Variants in ARID4A observed in about 807,000 individuals in gnomAD.
ARID4A encodes AT-rich interaction domain 4A, also known as AT-rich interactive domain-containing protein 4A.
A neutral mutation model predicts 148.6 loss-of-function variants in ARID4A; 39 were observed. That is an observed-to-expected ratio of 0.26 (90% CI 0.20 to 0.34). The LOEUF is 0.34. ARID4A is among the 10% of genes least tolerant of loss of function. The pLI, the probability that ARID4A is intolerant of heterozygous loss-of-function variation, is 1.00. For missense variants in ARID4A, 1,265 were observed against 1,449.1 expected (o/e 0.87, Z 2.06); for synonymous variants, 475 against 481.2 (o/e 0.99, Z 0.17).
intron 7 of ARID4A, among the ~76,000 whole-genome samples, chr14:58,322,593 C>T (rs1455559883): frequency 6.6e-6 from 1 of 152,056 alleles, no homozygotes; most frequent in Non-Finnish European, 1.5e-5. Flanking sequence ...TGGTTTTGAG[C>T]CATTTAATAA....
chr14:58,317,098 C>T (rs183509048), intron 5 of ARID4A, among the ~76,000 whole-genome samples: 3 of 144,474 alleles, frequency 2.1e-5, no homozygotes, highest in East Asian at 2.3e-4. Flanking sequence ...GAGGCTGAGG[C>T]GGGAGAATGG....
intron 8 of ARID4A, among the ~76,000 whole-genome samples, chr14:58,324,575 C>T (rs907465403): frequency 6.6e-6 from 1 of 152,178 alleles, no homozygotes; most frequent in Non-Finnish European, 1.5e-5. Context: ...GCTGGTATGC[C>T]TGGCTGAGAA....
chr14:58,332,315 G>C (rs2140197495), intron 11 of ARID4A, among the ~76,000 whole-genome samples: 2 of 152,194 alleles, frequency 1.3e-5, no homozygotes, highest in East Asian at 3.9e-4. Context: ...AGTGAATCAG[G>C]ATGCTTTTCA....
At chr14:58,314,361 A>C (rs1385011886) in intron 5 of ARID4A, among the ~76,000 whole-genome samples, 5 of 152,146 alleles carry the variant, frequency 3.3e-5, no homozygotes, top group African/African-American at 1.2e-4. Context: ...TTTTAGATGG[A>C]GCTTCTTCAT....
At chr14:58,334,856 A>C (rs563199387) in intron 11 of ARID4A, among the ~76,000 whole-genome samples, 11 of 152,088 alleles carry the variant, frequency 7.2e-5, no homozygotes, top group Admixed American at 1.3e-4. Flanking sequence ...ACATGCTTAC[A>C]TCTCTCCCAG....
intron 5 of ARID4A, among the ~76,000 whole-genome samples, chr14:58,306,449 A>T (rs1378910745): frequency 1.3e-5 from 2 of 152,240 alleles, no homozygotes; most frequent in Non-Finnish European, 2.9e-5. Context: ...CTGTATTGCT[A>T]CATATTTTAT....
At chr14:58,351,918 A>G (rs2034657078) in intron 16 of ARID4A, among the ~76,000 whole-genome samples, 2 of 152,144 alleles carry the variant, frequency 1.3e-5, no homozygotes, top group African/African-American at 4.8e-5. Context: ...TTAGACAAGT[A>G]TGGACTGAAC....
intron 11 of ARID4A, among the ~76,000 whole-genome samples, chr14:58,335,464 C>A (rs1025572448): frequency 6.6e-6 from 1 of 152,018 alleles, no homozygotes; most frequent in Non-Finnish European, 1.5e-5. Flanking sequence ...CAGGCATGCA[C>A]CTCCATGCCT....
intron 7 of ARID4A, among the ~76,000 whole-genome samples, chr14:58,320,620 T>TC (rs1555359350): frequency 6.6e-4 from 97 of 147,708 alleles, no homozygotes; most frequent in Admixed American, 3.5e-3. Flanking sequence ...TTTTTTTTTT[T>TC]CCCCTGAGAC....
At chr14:58,368,409 T>C (rs1331253159) in intron 23 of ARID4A, among the ~76,000 whole-genome samples, 2 of 152,212 alleles carry the variant, frequency 1.3e-5, no homozygotes, top group South Asian at 4.1e-4. Flanking sequence ...TACATGTGCA[T>C]TTTCTGTATT....
intron 15 of ARID4A, among the ~76,000 whole-genome samples, chr14:58,348,475 T>C (rs1411761314): frequency 6.6e-6 from 1 of 152,230 alleles, no homozygotes; most frequent in Non-Finnish European, 1.5e-5. Context: ...TTTGTAACTT[T>C]ATAGCACACT....
intron 11 of ARID4A, among the ~76,000 whole-genome samples, chr14:58,341,080 T>TCTCTCTCTCTTC (rs1491562779): frequency 6.6e-6 from 1 of 152,108 alleles, no homozygotes; most frequent in African/African-American, 2.4e-5. Flanking sequence ...TTTCTCTCTG[T>TCTCTCTCTCTTC]CTCTCTCTCT....
chr14:58,353,925 ATGAAGAG>A (rs1353677084), intron 17 of ARID4A, 70 bp downstream of exon 17: 1 of 1,352,738 alleles, frequency 7.4e-7, no homozygotes, highest in African/African-American at 1.5e-5. Flanking sequence ...ACTTAATGTT[ATGAAGAG>A]TGAAAGCAAA....
intron 3 of ARID4A, among the ~76,000 whole-genome samples, chr14:58,302,269 G>T (rs1170002010): frequency 6.6e-6 from 1 of 152,044 alleles, no homozygotes; most frequent in African/African-American, 2.4e-5. Context: ...TGAGGTGGGT[G>T]GATCACCTGA....
At chr14:58,335,493 A>G (rs2033767457) in intron 11 of ARID4A, among the ~76,000 whole-genome samples, 1 of 151,788 alleles carries the variant, frequency 6.6e-6, no homozygotes, top group Admixed American at 6.6e-5. Context: ...TTGTATTTTT[A>G]GTAGAGACGG....
chr14:58,365,359 A>C (rs1020608115), intron 20 of ARID4A, 59 bp downstream of exon 20: 4 of 1,520,190 alleles, frequency 2.6e-6, no homozygotes, highest in Non-Finnish European at 3.5e-6. Flanking sequence ...AAAACTGTTG[A>C]GTTTCAGGTA....
chr14:58,347,186 C>G, intron 14 of ARID4A, 69 bp downstream of exon 14: 2 of 809,646 alleles, frequency 2.5e-6, no homozygotes, highest in Non-Finnish European at 1.8e-6. Context: ...ACTTTGTTAA[C>G]AAGAATACAT....
chr14:58,340,844 GC>G (rs1810619676), intron 11 of ARID4A, among the ~76,000 whole-genome samples: 1 of 152,106 alleles, frequency 6.6e-6, no homozygotes, highest in Non-Finnish European at 1.5e-5. Context: ...TCTGACTCTT[GC>G]ATTTATATTA....
At chr14:58,345,410 CAAAT>C (rs1214753643) in intron 12 of ARID4A, among the ~76,000 whole-genome samples, 1 of 152,060 alleles carries the variant, frequency 6.6e-6, no homozygotes, top group African/African-American at 2.4e-5. Flanking sequence ...ATATTTGTGG[CAAAT>C]AAACTAGATA....
Sources: gnomAD v4.1 joint callset for allele counts (sites outside exome capture counted in the v4.1 genomes callset) on GRCh38, gnomAD v4.1.1 for gene constraint, MANE v1.5 for transcripts, NCBI Gene and HGNC (gene_info 2026-07-23, HGNC 2026-07-21) for gene names.